Variants in THADA observed in about 807,000 individuals in gnomAD.
The protein encoded by THADA is tRNA (32-2'-O)-methyltransferase regulator THADA.
Under a neutral mutation model 219.8 loss-of-function variants are expected in THADA, and 213 were observed. The ratio of observed to expected loss-of-function variants is 0.97; its 90% CI spans 0.87 to 1.09. The LOEUF is 1.09. Ranked by LOEUF, THADA falls within the 50% of genes least tolerant of loss-of-function variation. THADA has a pLI of 0.00. For synonymous variants in THADA, 1,018 were observed against 828.9 expected, an observed-to-expected ratio of 1.23 and a Z score of -3.92; for missense variants, 2,956 against 2,311.3, an observed-to-expected ratio of 1.28 and a Z score of -5.72.
chr2:43,443,758 AAAAGGT>A (rs1681155526), intron 26 of THADA, among the ~76,000 whole-genome samples: 1 of 152,258 alleles, frequency 6.6e-6, no homozygotes, highest in Admixed American at 6.5e-5. Context: ...CAGACTATGC[AAAAGGT>A]GAGTTATTCC....
intron 28 of THADA, among the ~76,000 whole-genome samples, chr2:43,421,813 G>C (rs934066871): frequency 6.6e-6 from 1 of 152,238 alleles, no homozygotes; most frequent in African/African-American, 2.4e-5. Flanking sequence ...CTAAATTTTA[G>C]TAGATTAATT....
intron 30 of THADA, among the ~76,000 whole-genome samples, chr2:43,326,979 A>G (rs1679404913): frequency 6.6e-6 from 1 of 152,092 alleles, no homozygotes; most frequent in Non-Finnish European, 1.5e-5. Context: ...ACTGAGCAGT[A>G]CGGGGGATAT....
At chr2:43,359,806 A>G (rs889414441) in intron 29 of THADA, among the ~76,000 whole-genome samples, 5 of 150,208 alleles carry the variant, frequency 3.3e-5, no homozygotes, top group Non-Finnish European at 5.9e-5. Flanking sequence ...TTTTCTTTTT[A>G]AGAGATGGCA....
In THADA at chr2:43,575,009, C is replaced by T; in HGVS notation, c.1056G>A (p.Leu352=). ...CTAAGATTCTAGACAGAAACATTTC[C>T]AGCGTTGGCTCTTTAATCCTGAAGA... is the stretch of plus-strand genomic sequence containing the variant. ...TLSSQIKEPT[L]EMFLSRILAS... Residue 352 remains leucine (L), a synonymous_variant, in exon 11 of 38, where the codon CTG becomes CTA. Transcript: ENST00000405975. The T allele has an allele frequency of 6.2e-7, 1 of 1,611,130 alleles. No homozygotes were observed. Among genetic ancestry groups the T allele is most frequent in the Non-Finnish European group, 8.5e-7 (1 of 1,178,566 alleles).
chr2:43,407,439 T>G (rs1675701067), intron 28 of THADA, among the ~76,000 whole-genome samples: 1 of 152,222 alleles, frequency 6.6e-6, no homozygotes, highest in Non-Finnish European at 1.5e-5. Context: ...TAAATACATA[T>G]TCTTATTCTG....
At chr2:43,401,311 C>T (rs1365419083) in intron 28 of THADA, among the ~76,000 whole-genome samples, 1 of 152,192 alleles carries the variant, frequency 6.6e-6, no homozygotes, top group Non-Finnish European at 1.5e-5. Flanking sequence ...CAGAGTCTCG[C>T]TCTGTCACCC....
chr2:43,372,023 T>A (rs1670866278), intron 29 of THADA: 1 of 152,214 alleles, frequency 6.6e-6, no homozygotes, highest in South Asian at 2.1e-4. Flanking sequence ...GTTTTTGTCA[T>A]CATTCATCCA....
chr2:43,348,047 G>A (rs1667838737), intron 29 of THADA, among the ~76,000 whole-genome samples: 2 of 152,082 alleles, frequency 1.3e-5, no homozygotes, highest in Admixed American at 1.3e-4. Flanking sequence ...AGGAGGGGAG[G>A]GTTGAAACCA....
At chr2:43,291,451 T>A (rs569860314) in intron 34 of THADA, among the ~76,000 whole-genome samples, 1 of 6,620 alleles carries the variant, frequency 1.5e-4, no homozygotes, top group East Asian at 9.9e-4. Flanking sequence ...CAAAACTCCA[T>A]CTCAAAAAAA....
intron 17 of THADA, among the ~76,000 whole-genome samples, chr2:43,555,034 C>T (rs182100624): frequency 6.6e-6 from 1 of 152,024 alleles, no homozygotes; most frequent in African/African-American, 2.4e-5. Context: ...TGTTGGATTA[C>T]GGATGCTCAA....
intron 36 of THADA, among the ~76,000 whole-genome samples, chr2:43,243,918 G>A (rs1024062443): frequency 6.6e-6 from 1 of 152,130 alleles, no homozygotes; most frequent in African/African-American, 2.4e-5. Flanking sequence ...TAAAACCTAT[G>A]ACTGCCTGAT....
chr2:43,587,150 A>C (rs1026716626), intron 4 of THADA, 148 bp from the exon 5 acceptor site: 1 of 826,000 alleles, frequency 1.2e-6, no homozygotes, highest in African/African-American at 1.7e-5. Context: ...CCATCACTCG[A>C]ATTTCCTGGC....
chr2:43,358,296 A>G (rs2104579995), intron 29 of THADA, among the ~76,000 whole-genome samples: 1 of 152,114 alleles, frequency 6.6e-6, no homozygotes, highest in East Asian at 1.9e-4. Context: ...TTCACATACT[A>G]ATTATTGGGA....
intron 15 of THADA, among the ~76,000 whole-genome samples, chr2:43,561,555 G>A (rs1381720352): frequency 6.6e-6 from 1 of 152,172 alleles, no homozygotes; most frequent in Non-Finnish European, 1.5e-5. Context: ...AATGAAAACT[G>A]AAAACATTAT....
At chr2:43,287,868 GT>G (rs1674229754) in intron 34 of THADA, among the ~76,000 whole-genome samples, 1 of 152,180 alleles carries the variant, frequency 6.6e-6, no homozygotes. Context: ...AGTAGTATCT[GT>G]GCACTTTCAA....
At chr2:43,578,366 C>G (rs1482913382) in intron 9 of THADA, 147 bp downstream of exon 9, 1 of 457,400 alleles carries the variant, frequency 2.2e-6, no homozygotes, top group Non-Finnish European at 4.0e-6. Context: ...AGGCTAATCT[C>G]AAACTCCTGG....
intron 28 of THADA, among the ~76,000 whole-genome samples, chr2:43,421,664 T>G (rs904147884): frequency 1.3e-5 from 2 of 152,304 alleles, no homozygotes; most frequent in Admixed American, 1.3e-4. Context: ...TAAGCCAACA[T>G]CTGGAATGGA....
At chr2:43,560,486 C>T in intron 15 of THADA, 101 bp from the exon 16 acceptor site, 1 of 831,696 alleles carries the variant, frequency 1.2e-6, no homozygotes, top group Non-Finnish European at 1.8e-6. Context: ...TACCAAAAAA[C>T]CACACTTCAT....
intron 30 of THADA, among the ~76,000 whole-genome samples, chr2:43,336,946 G>A (rs1666522341): frequency 6.6e-6 from 1 of 152,234 alleles, no homozygotes; most frequent in Admixed American, 6.5e-5. Context: ...CTGGCCCATT[G>A]TGGCCACGTG....
Sources: allele counts gnomAD v4.1 joint callset (sites outside exome capture counted in the v4.1 genomes callset), GRCh38; gene constraint gnomAD v4.1.1; transcripts MANE v1.5; gene names NCBI Gene and HGNC (gene_info 2026-07-23, HGNC 2026-07-21).